RBFOX1: variants seen among roughly 807,000 people sequenced by gnomAD.
The protein encoded by RBFOX1 is RNA binding fox-1 homolog 1, also known as RNA binding protein fox-1 homolog 1.
RBFOX1 carries 8 observed loss-of-function variants against 57.7 expected under a neutral mutation model. The observed-to-expected ratio is 0.14, with a 90% CI of 0.08 to 0.25. The LOEUF is 0.25. Ranked by LOEUF, RBFOX1 falls within the 10% of genes least tolerant of loss-of-function variation. RBFOX1 has a pLI of 1.00. For synonymous variants in RBFOX1, 326 were observed against 222.4 expected, an observed-to-expected ratio of 1.47 and a Z score of -4.15; for missense variants, 611 against 548.5, an observed-to-expected ratio of 1.11 and a Z score of -1.14.
rs560777524 is a variant in RBFOX1, at chr16:6,969,461, G to A, written c.-15-82596G>A. On this transcript the variant is annotated intron_variant, in intron 3 of 15. Coordinates refer to ENST00000550418, the MANE Select transcript of RBFOX1 (RefSeq NM_018723.4). ...TTACATTCAAATAAGGTGGCCGGGTGTGGTGGCTCATGCCTGTAATCCCAG... is the reference window on the plus strand; with the variant it reads ...TTACATTCAAATAAGGTGGCCGGGTATGGTGGCTCATGCCTGTAATCCCAG... Among the ~76,000 whole-genome samples, 7 of 152,166 alleles carry A rather than the reference G, an allele frequency of 4.6e-5. No homozygotes were observed. In the East Asian group the frequency reaches 1.2e-3, roughly 25 times the overall value.
chr16:5,454,857 T>C (rs28556753), intron 1 of RBFOX1, among the ~76,000 whole-genome samples: 43 of 14,400 alleles, frequency 3.0e-3, no homozygotes, highest in Middle Eastern at 0.019. Context: ...TTCTTTCTTT[T>C]CTTTCTTTCT....
chr16:6,825,155 C>G (rs1202270773), intron 3 of RBFOX1, among the ~76,000 whole-genome samples: 3 of 151,312 alleles, frequency 2.0e-5, no homozygotes, highest in Non-Finnish European at 2.9e-5. Context: ...ACTCAGCACC[C>G]TTGGCGTTGC....
chr16:7,212,207 G>A (rs921544443), intron 4 of RBFOX1, among the ~76,000 whole-genome samples: 1 of 152,200 alleles, frequency 6.6e-6, no homozygotes, highest in Admixed American at 6.5e-5. Flanking sequence ...GGTCTTTTAG[G>A]GTCAAGGGAG....
At chr16:5,520,656 C>T (rs1297181467) in intron 2 of RBFOX1, among the ~76,000 whole-genome samples, 1 of 152,208 alleles carries the variant, frequency 6.6e-6, no homozygotes, top group Non-Finnish European at 1.5e-5. Context: ...TATTTGCTCT[C>T]TCTTCTGAAA....
At chr16:7,348,435 T>TC (rs111811674) in intron 4 of RBFOX1, among the ~76,000 whole-genome samples, 29,847 of 151,998 alleles carry the variant, frequency 0.2, 4,695 homozygotes, top group African/African-American at 0.44. Flanking sequence ...TCTGTTAGGT[T>TC]TTTAAGACTA....
At chr16:6,261,865 C>G (rs1266177621) in intron 1 of RBFOX1, among the ~76,000 whole-genome samples, 1 of 151,038 alleles carries the variant, frequency 6.6e-6, no homozygotes, top group African/African-American at 2.4e-5. Flanking sequence ...AAAACAAAAA[C>G]AAAAACAAAA....
At position 6,216,790 on chromosome 16, in the gene RBFOX1, C is replaced by T. The variant is rs570356140; in HGVS notation, c.-126-100205C>T. Among the ~76,000 whole-genome samples the T allele has an allele frequency of 3.5e-4, 53 of 152,244 alleles. No homozygotes were observed. The South Asian group carries it at 4.4e-3, about 13-fold the overall frequency. On this transcript the variant is annotated intron_variant, in intron 1 of 15. Transcript: ENST00000550418. Reference sequence around the variant, plus strand: ...AAAAAGCAAATTCTTTTATTTCTCACGTATATGCCTCCGAATGATTTATTT... The same window carrying T: ...AAAAAGCAAATTCTTTTATTTCTCATGTATATGCCTCCGAATGATTTATTT...
intron 4 of RBFOX1, among the ~76,000 whole-genome samples, chr16:5,890,422 G>T (rs921520586): frequency 1.3e-5 from 2 of 152,084 alleles, no homozygotes; most frequent in African/African-American, 4.8e-5. Flanking sequence ...GTGAAGGCTG[G>T]GCGCAGTGGC....
In RBFOX1 at chr16:6,751,113, G is replaced by C. The variant is rs116914815; in HGVS notation, c.-16+96463G>C. Among the ~76,000 whole-genome samples the C allele has an allele frequency of 7.8e-3, 1,189 of 152,278 alleles. 8 individuals are homozygous for C. The highest frequency in any genetic ancestry group is 0.013 in the Non-Finnish European group (906 of 68,028). On this transcript the variant is annotated intron_variant, in intron 3 of 15. Transcript: ENST00000550418. ...CAGTGGAGGGGTAGGACATAGGTTT[G>C]AATAGCAGATAAAGGCCAGGTCCTG...
At chr16:7,705,475 A>G (rs549191351) in intron 14 of RBFOX1, among the ~76,000 whole-genome samples, 104 of 152,324 alleles carry the variant, frequency 6.8e-4, no homozygotes, top group Middle Eastern at 6.8e-3. Context: ...ACTGCACTCC[A>G]GCCTTAGCAA....
intron 3 of RBFOX1, among the ~76,000 whole-genome samples, chr16:7,002,752 T>C (rs2092941697): frequency 6.6e-6 from 1 of 152,134 alleles, no homozygotes; most frequent in South Asian, 2.1e-4. Context: ...CAAATAGCAC[T>C]AAGTGGCTTA....
At chr16:6,359,664 A>C (rs1264514342) in intron 2 of RBFOX1, among the ~76,000 whole-genome samples, 1 of 152,160 alleles carries the variant, frequency 6.6e-6, no homozygotes, top group Non-Finnish European at 1.5e-5. Flanking sequence ...CTATTGCTGG[A>C]TGTTTCTGCA....
At chr16:6,822,745 G>A (rs919915245) in intron 3 of RBFOX1, among the ~76,000 whole-genome samples, 1 of 152,166 alleles carries the variant, frequency 6.6e-6, no homozygotes, top group Non-Finnish European at 1.5e-5. Context: ...AGGGAGAGGG[G>A]TGGAAAAGAA....
At chr16:7,414,322 G>A (rs2098458677) in intron 4 of RBFOX1, among the ~76,000 whole-genome samples, 1 of 152,192 alleles carries the variant, frequency 6.6e-6, no homozygotes, top group African/African-American at 2.4e-5. Flanking sequence ...ATGGGAAGTG[G>A]TACAAAGTTG....
intron 4 of RBFOX1, among the ~76,000 whole-genome samples, chr16:6,011,717 T>A (rs2094962365): frequency 6.6e-6 from 1 of 152,152 alleles, no homozygotes; most frequent in African/African-American, 2.4e-5. Context: ...GTCTCCCAAT[T>A]TACCATCCAT....
rs533560351 is a variant in RBFOX1, at chr16:5,951,133, C to G, written c.351+83798C>G. Among the ~76,000 whole-genome samples, 68 of 152,154 alleles carry G rather than the reference C, an allele frequency of 4.5e-4. 1 individual carries two copies. The highest frequency in any genetic ancestry group is 1.5e-3 in the African/African-American group (62 of 41,534). ...AATCTGAATGAATAGAGAGAGATAT[C>G]CTGAACTTTTTATTTAAAAAGAGTA... On this transcript the variant is annotated intron_variant, in intron 4 of 19. Coordinates refer to the RBFOX1 transcript ENST00000641259.
At chr16:7,028,520 G>A (rs2041653237) in intron 3 of RBFOX1, among the ~76,000 whole-genome samples, 1 of 149,584 alleles carries the variant, frequency 6.7e-6, no homozygotes, top group African/African-American at 2.5e-5. Context: ...CCGGGAGGCG[G>A]AGGTTGCAGT....
chr16:5,614,255 C>A lies in RBFOX1; in HGVS notation c.318+15294C>A, dbSNP rs2047935857. 2.0e-5 allele frequency among the ~76,000 whole-genome samples: 3 copies of A among 152,056 alleles called. No individual in the cohort carries two copies. In the South Asian group the frequency reaches 6.2e-4, roughly 32 times the overall value. On this transcript the variant is annotated intron_variant, in intron 3 of 19. Coordinates refer to the RBFOX1 transcript ENST00000641259. ...CAGACATTTTTAAACTAGAAGAAAACAAATTTGCACATGGACTAAACAGAA... is the reference window on the plus strand; with the variant it reads ...CAGACATTTTTAAACTAGAAGAAAAAAAATTTGCACATGGACTAAACAGAA...
chr16:7,487,527 T>A (rs2065744567), intron 4 of RBFOX1, among the ~76,000 whole-genome samples: 1 of 152,174 alleles, frequency 6.6e-6, no homozygotes, highest in African/African-American at 2.4e-5. Context: ...TGGATGAACA[T>A]TCCTTAAAGT....
Sources: allele counts gnomAD v4.1 joint callset (sites outside exome capture counted in the v4.1 genomes callset), GRCh38; gene constraint gnomAD v4.1.1; transcripts MANE v1.5; gene names NCBI Gene and HGNC (gene_info 2026-07-23, HGNC 2026-07-21).